PPFIBP2: variants seen among roughly 807,000 people sequenced by gnomAD.
The protein encoded by PPFIBP2 is PPFIB scaffold protein 2, also known as liprin-beta-2.
In PPFIBP2, 118 loss-of-function variants were observed where a neutral mutation model predicts 118.3. The ratio of observed to expected loss-of-function variants is 1.00; its 90% confidence interval spans 0.86 to 1.16. The LOEUF is 1.16. PPFIBP2 is among the 50% of genes most tolerant of loss of function. PPFIBP2 has a pLI of 0.00. For missense variants in PPFIBP2, 1,195 were observed against 1,073.1 expected (o/e 1.11, Z -1.59); for synonymous variants, 414 against 397.4 (o/e 1.04, Z -0.50).
intron 17 of PPFIBP2, among the ~76,000 whole-genome samples, chr11:7,647,491 C>T (rs1430322540): frequency 1.3e-5 from 2 of 152,188 alleles, no homozygotes; most frequent in African/African-American, 2.4e-5. Context: ...CCGCAATCCC[C>T]ACACATAATC....
chr11:7,534,944 A>G (rs1016562903), intron 1 of PPFIBP2, among the ~76,000 whole-genome samples: 1 of 152,208 alleles, frequency 6.6e-6, no homozygotes, highest in Non-Finnish European at 1.5e-5. Context: ...CACCATGTGC[A>G]TTGCAGGTGC....
intron 2 of PPFIBP2, among the ~76,000 whole-genome samples, chr11:7,555,811 T>G (rs1306812012): frequency 2.6e-5 from 4 of 152,130 alleles, no homozygotes; most frequent in African/African-American, 9.7e-5. Flanking sequence ...TCTGAAAGAG[T>G]TTGGATAAGG....
chr11:7,642,150 G>A (rs1359428815), intron 16 of PPFIBP2, 148 bp from the exon 17 acceptor site: 1 of 925,918 alleles, frequency 1.1e-6, no homozygotes, highest in Non-Finnish European at 1.6e-6. Flanking sequence ...GCGACAGGTT[G>A]TGATCCTTGA....
intron 3 of PPFIBP2, among the ~76,000 whole-genome samples, chr11:7,575,207 G>T (rs183439905): frequency 2.0e-5 from 3 of 152,222 alleles, no homozygotes; most frequent in Admixed American, 2.0e-4. Context: ...GTTTAAATTC[G>T]TACTGTGTGC....
rs778865055 is a variant in PPFIBP2 at position 7,629,420 on chromosome 11, G to C, written c.889-39G>C. ...CAAAATGAAATCATCTGAGATGCCA[G>C]CATAGCATTAATCTAAATCTCTACT... On this transcript the variant is annotated intron_variant, in intron 9 of 23. Transcript: ENST00000299492. 1.6e-5 allele frequency: 26 copies of C among 1,582,962 alleles called. 1 individual carries two copies.
chr11:7,577,913 C>G (rs747883533), intron 3 of PPFIBP2, among the ~76,000 whole-genome samples: 3 of 152,164 alleles, frequency 2.0e-5, no homozygotes, highest in Non-Finnish European at 2.9e-5. Context: ...ACTTTGGCAC[C>G]TAAACAGTCA....
chr11:7,593,060 T>G (rs1859635679), intron 3 of PPFIBP2, 72 bp from the exon 4 acceptor site: 12 of 1,580,404 alleles, frequency 7.6e-6, no homozygotes, highest in Middle Eastern at 1.7e-4. Flanking sequence ...ATGCATCCCT[T>G]ATTTCATTTA....
intron 2 of PPFIBP2, among the ~76,000 whole-genome samples, chr11:7,550,197 T>C (rs192264780): frequency 6.6e-6 from 1 of 152,220 alleles, no homozygotes; most frequent in African/African-American, 2.4e-5. Context: ...GACCAAACGT[T>C]TTGTTGGAAA....
chr11:7,620,933 A>G lies in PPFIBP2; in HGVS notation c.619-2A>G, dbSNP rs369413255. The G allele has an allele frequency of 1.9e-6, 3 of 1,597,456 alleles. No individual in the cohort carries two copies. The highest frequency in any genetic ancestry group is 2.6e-6 in the Non-Finnish European group (3 of 1,164,844). On this transcript the variant is annotated splice_acceptor_variant, in intron 6 of 23. Transcript: ENST00000299492. LOFTEE classifies it high-confidence loss of function. ...ACTTTGTCTTTCTCCCTCATCCCCTAGGAGTTACTGCAAGAGCTCAGGCAC... is the reference window on the plus strand; with the variant it reads ...ACTTTGTCTTTCTCCCTCATCCCCTGGGAGTTACTGCAAGAGCTCAGGCAC...
chr11:7,654,451 G>A (rs116421746), downstream of PPFIBP2, among the ~76,000 whole-genome samples: 491 of 152,320 alleles, frequency 3.2e-3, 3 homozygotes, highest in African/African-American at 0.011. Flanking sequence ...GCCTGGGCAC[G>A]GCCTGATGAC....
intron 2 of PPFIBP2, among the ~76,000 whole-genome samples, chr11:7,551,400 G>C (rs2134553055): frequency 6.6e-6 from 1 of 152,194 alleles, no homozygotes; most frequent in South Asian, 2.1e-4. Flanking sequence ...CTTTGTCAAA[G>C]GTCATTTGAT....
chr11:7,640,036 C>T (rs568901503), intron 15 of PPFIBP2, among the ~76,000 whole-genome samples, 166 bp downstream of exon 15: 2 of 152,172 alleles, frequency 1.3e-5, no homozygotes, highest in African/African-American at 4.8e-5. Flanking sequence ...CCCAGAGGCT[C>T]CCCCTGGGCG....
rs1434506949 is a variant in PPFIBP2, at chr11:7,616,443, C to A, written c.619-4492C>A. Among the ~76,000 whole-genome samples the A allele has an allele frequency of 6.6e-6, 1 of 152,184 alleles. No individual in the cohort carries two copies. Among genetic ancestry groups the A allele is most frequent in the African/African-American group, 2.4e-5 (1 of 41,444 alleles). ...AGAAGGGAGGAGACAAAGTAGGGAT[C>A]CGTGTCCTCAAGGAGTGAGTCTCGT... On this transcript the variant is annotated intron_variant, in intron 6 of 23. Transcript: ENST00000299492. The surrounding 1 kb of genome is among the most constrained non-coding windows in gnomAD (Gnocchi z 5.2).
At chr11:7,613,679 A>T (rs1848322388) in intron 6 of PPFIBP2, among the ~76,000 whole-genome samples, 1 of 152,198 alleles carries the variant, frequency 6.6e-6, no homozygotes, top group Non-Finnish European at 1.5e-5. Flanking sequence ...GTGGACACAG[A>T]TCAAAGCATT....
intron 17 of PPFIBP2, among the ~76,000 whole-genome samples, chr11:7,644,913 G>A (rs1320227766): frequency 6.6e-6 from 1 of 150,456 alleles, no homozygotes; most frequent in Admixed American, 6.6e-5. Context: ...TGTAGTCCCA[G>A]CTACTCGGGA....
At chr11:7,567,814 A>G (rs150494548) in intron 3 of PPFIBP2, among the ~76,000 whole-genome samples, 1 of 152,340 alleles carries the variant, frequency 6.6e-6, no homozygotes, top group Non-Finnish European at 1.5e-5. Context: ...CAGCTTTCTT[A>G]TCCCCTCGTA....
intron 14 of PPFIBP2, among the ~76,000 whole-genome samples, chr11:7,637,968 A>G (rs1279375572): frequency 1.3e-5 from 2 of 152,150 alleles, no homozygotes; most frequent in Non-Finnish European, 2.9e-5. Flanking sequence ...AGCATGCGTG[A>G]TGATGCAACC....
chr11:7,654,858 C>G (rs749053958), downstream of PPFIBP2, among the ~76,000 whole-genome samples: 1 of 152,186 alleles, frequency 6.6e-6, no homozygotes, highest in Non-Finnish European at 1.5e-5. Flanking sequence ...ACCTATAAAA[C>G]AAGGGAGGGG....
intron 5 of PPFIBP2, among the ~76,000 whole-genome samples, chr11:7,604,427 C>G (rs1181917351): frequency 6.6e-6 from 1 of 151,930 alleles, no homozygotes; most frequent in African/African-American, 2.4e-5. Flanking sequence ...CACATACACA[C>G]ACATGCACCC....
Sources: gnomAD v4.1 joint callset for allele counts (sites outside exome capture counted in the v4.1 genomes callset) on GRCh38, gnomAD v4.1.1 for gene constraint, Gnocchi (gnomAD v3.1) non-coding constraint, MANE v1.5 for transcripts, NCBI Gene and HGNC (gene_info 2026-07-23, HGNC 2026-07-21) for gene names.